Variants in SPTLC2 observed in about 807,000 individuals in gnomAD.
The protein encoded by SPTLC2 is serine palmitoyltransferase 2.
A neutral mutation model predicts 62.0 loss-of-function variants in SPTLC2; 21 were observed. That is an observed-to-expected ratio of 0.34 (90% CI 0.24 to 0.49). The LOEUF (loss-of-function observed/expected upper bound fraction) is 0.49. Among genes scored for constraint, SPTLC2 ranks in the 20% least tolerant of loss-of-function variants. The pLI is 0.99. For missense variants in SPTLC2, 511 were observed against 713.0 expected (o/e 0.72, Z 3.23); for synonymous variants, 261 against 261.8 (o/e 1.00, Z 0.03).
At chr14:77,522,785 T>C (rs571770688) in intron 9 of SPTLC2, among the ~76,000 whole-genome samples, 11 of 152,352 alleles carry the variant, frequency 7.2e-5, no homozygotes, top group African/African-American at 2.2e-4. Context: ...GTAATTTTCA[T>C]ATATAGATTA....
intron 7 of SPTLC2, among the ~76,000 whole-genome samples, chr14:77,555,775 C>T (rs1370380572): frequency 2.0e-5 from 3 of 151,976 alleles, no homozygotes; most frequent in East Asian, 3.9e-4. Context: ...GCCACCACCA[C>T]GCCCAGATAA....
intron 2 of SPTLC2, among the ~76,000 whole-genome samples, chr14:77,596,615 T>A (rs1200208451): frequency 6.6e-6 from 1 of 152,236 alleles, no homozygotes; most frequent in African/African-American, 2.4e-5. Context: ...ACCATGCTCA[T>A]ATGTTTGCCA....
chr14:77,516,840 T>C (rs1221722131), intron 11 of SPTLC2, among the ~76,000 whole-genome samples: 1 of 152,260 alleles, frequency 6.6e-6, no homozygotes, highest in African/African-American at 2.4e-5. Context: ...CATAGAAATT[T>C]TGCTGTGTAG....
chr14:77,506,435 C>A lies in SPTLC2; in HGVS notation c.*5849G>T. 6.6e-6 allele frequency: 1 copy of A among 152,290 alleles called. No homozygotes were observed. The allele number at this position is 152,290 out of a possible 1,614,324, so 9.4% of individuals were successfully genotyped here. A position where few individuals can be genotyped will look rare whatever the true frequency, so the allele number is the denominator to read the frequency against. On this transcript the variant is annotated 3_prime_UTR_variant, in exon 12 of 12. Transcript: ENST00000216484. The stretch of plus-strand genomic sequence containing the variant: ...AGCTATTGCTCTCTTCTTCTCTTTC[C>A]CCCTTCTCTTAATGTTAGCTGCCTG...
rs755501180 is a variant in SPTLC2 at position 77,552,239 on chromosome 14, G to A, written c.1177-17C>T. Reference sequence around the variant, plus strand: ...TATCAGCTCCTGGGGAGTTCACAGAGGCAGATAAGTAGAGACAATTCTTGC... The same window carrying A: ...TATCAGCTCCTGGGGAGTTCACAGAAGCAGATAAGTAGAGACAATTCTTGC... On this transcript the variant is annotated splice_polypyrimidine_tract_variant and intron_variant, in intron 8 of 11. Coordinates refer to ENST00000216484, the MANE Select transcript of SPTLC2 (RefSeq NM_004863.4). The A allele has an allele frequency of 6.2e-7, 1 of 1,613,844 alleles. No homozygotes were observed. The highest frequency in any genetic ancestry group is 1.1e-5 in the South Asian group (1 of 91,026).
chr14:77,589,661 A>T (rs1476290794), intron 2 of SPTLC2, among the ~76,000 whole-genome samples: 1 of 151,954 alleles, frequency 6.6e-6, no homozygotes, highest in Non-Finnish European at 1.5e-5. Context: ...GTTATGGCAG[A>T]TGCCTGTAAT....
chr14:77,528,528 G>GC (rs1209005231), intron 9 of SPTLC2, among the ~76,000 whole-genome samples: 1 of 152,064 alleles, frequency 6.6e-6, no homozygotes, highest in Non-Finnish European at 1.5e-5. Context: ...ACTGCGCCCA[G>GC]CCCCCCCTTT....
intron 1 of SPTLC2, among the ~76,000 whole-genome samples, chr14:77,601,335 G>C (rs1348656206): frequency 6.6e-6 from 1 of 152,094 alleles, no homozygotes; most frequent in Non-Finnish European, 1.5e-5. Flanking sequence ...CCACCCTTAA[G>C]AAGGTTCTTT....
At chr14:77,566,665 T>C (rs547707583) in intron 5 of SPTLC2, among the ~76,000 whole-genome samples, 2 of 152,182 alleles carry the variant, frequency 1.3e-5, no homozygotes, top group Admixed American at 6.5e-5. Context: ...TTTCACCGTG[T>C]TAGCCAGGAT....
At chr14:77,527,455 T>C (rs1262554967) in intron 9 of SPTLC2, among the ~76,000 whole-genome samples, 1 of 152,166 alleles carries the variant, frequency 6.6e-6, no homozygotes, top group African/African-American at 2.4e-5. Flanking sequence ...CCACTAGATA[T>C]TGATAACCTT....
In SPTLC2 at chr14:77,508,039, C is replaced by G. The variant is rs932982799; in HGVS notation, c.*4245G>C. The G allele has an allele frequency of 6.6e-6, 1 of 152,176 alleles. No individual in the cohort carries two copies. Among genetic ancestry groups the G allele is most frequent in the Non-Finnish European group, 1.5e-5 (1 of 68,088 alleles). The allele number at this position is 152,176 out of a possible 1,614,324, so 9.4% of individuals were successfully genotyped here. A position where few individuals can be genotyped will look rare whatever the true frequency, so the allele number is the denominator to read the frequency against. ...CAGCTCCTAACAATTTTTTTTCCCC[C>G]TCTTATTGAGCCAGGGTCTCACTCT... On this transcript the variant is annotated 3_prime_UTR_variant, in exon 12 of 12. Transcript: ENST00000216484.
intron 4 of SPTLC2, among the ~76,000 whole-genome samples, chr14:77,574,972 C>G (rs1350809634): frequency 6.6e-6 from 1 of 152,122 alleles, no homozygotes; most frequent in Non-Finnish European, 1.5e-5. Context: ...TTCTGGAAGG[C>G]TGAGTTAGGA....
chr14:77,587,184 C>T (rs934131513), intron 2 of SPTLC2, among the ~76,000 whole-genome samples: 2 of 151,886 alleles, frequency 1.3e-5, no homozygotes, highest in Admixed American at 6.6e-5. Context: ...GCTGAGATCA[C>T]GCCACTGCAC....
At chr14:77,543,018 C>T (rs538044784) in intron 9 of SPTLC2, among the ~76,000 whole-genome samples, 53 of 152,274 alleles carry the variant, frequency 3.5e-4, no homozygotes, top group African/African-American at 1.1e-3. Flanking sequence ...TGAGTTTTAA[C>T]GGGTGCCAAC....
At chr14:77,558,205 G>A (rs887865861) in intron 6 of SPTLC2, among the ~76,000 whole-genome samples, 6 of 151,966 alleles carry the variant, frequency 3.9e-5, no homozygotes, top group East Asian at 1.9e-4. Context: ...CCGCCATCAC[G>A]CCAGGCTAAT....
intron 1 of SPTLC2, among the ~76,000 whole-genome samples, chr14:77,600,769 G>C (rs1378637906): frequency 3.3e-5 from 5 of 152,058 alleles, no homozygotes; most frequent in African/African-American, 1.2e-4. Context: ...TTAAGAAAAT[G>C]TAAAAGAAAA....
chr14:77,549,240 A>AG (rs58224529), intron 9 of SPTLC2, among the ~76,000 whole-genome samples: 1 of 150,432 alleles, frequency 6.6e-6, no homozygotes, highest in Non-Finnish European at 1.5e-5. Flanking sequence ...AAAAAAAAAA[A>AG]CCAGCCACAA....
intron 8 of SPTLC2, 117 bp from the exon 9 acceptor site, chr14:77,552,339 A>G: frequency 8.1e-7 from 1 of 1,240,504 alleles, no homozygotes; most frequent in Non-Finnish European, 1.1e-6. Context: ...GAATAGGGAC[A>G]CTAATCTGAG....
chr14:77,521,412 G>A (rs1002628461), intron 10 of SPTLC2, 34 bp downstream of exon 10: 2 of 1,613,722 alleles, frequency 1.2e-6, no homozygotes, highest in South Asian at 1.1e-5. Flanking sequence ...TAAGGATAAG[G>A]ACAGACTGGT....
Sources: allele counts gnomAD v4.1 joint callset (sites outside exome capture counted in the v4.1 genomes callset), GRCh38; gene constraint gnomAD v4.1.1; transcripts MANE v1.5; gene names NCBI Gene and HGNC (gene_info 2026-07-23, HGNC 2026-07-21).